The following HEATR4 variants were observed in gnomAD, a reference collection of about 807,000 sequenced individuals.
The protein encoded by HEATR4 is HEAT repeat containing 4.
Under a neutral mutation model 108.8 loss-of-function variants are expected in HEATR4, and 95 were observed. That is an observed-to-expected ratio of 0.87 (90% CI 0.74 to 1.04). HEATR4 has a LOEUF of 1.04. Ranked by LOEUF, HEATR4 falls within the 50% of genes least tolerant of loss-of-function variation. The pLI is 0.00. For missense variants in HEATR4, 1,152 were observed against 1,253.8 expected, an observed-to-expected ratio of 0.92 and a Z score of 1.23; for synonymous variants, 443 against 459.4, an observed-to-expected ratio of 0.96 and a Z score of 0.46.
At chr14:73,589,475 A>G in the HEATR4 span, among the ~76,000 whole-genome samples, 1 of 152,116 alleles carries the variant, frequency 6.6e-6, no homozygotes, top group Non-Finnish European at 1.5e-5. Flanking sequence ...GCACATCACC[A>G]TGCCCCACTA....
chr14:73,628,443 A>G, the HEATR4 span, among the ~76,000 whole-genome samples: 1 of 152,114 alleles, frequency 6.6e-6, no homozygotes, highest in Admixed American at 6.6e-5. Context: ...TGCCCAGCCC[A>G]TAGTCTTAGT....
At chr14:73,569,463 T>C in the HEATR4 span, 2 of 1,613,358 alleles carry the variant, frequency 1.2e-6, no homozygotes, top group African/African-American at 2.7e-5. Context: ...TGCGGGCCGC[T>C]GCTGCTGGGA....
chr14:73,586,702 G>GAA, the HEATR4 span, among the ~76,000 whole-genome samples: 20 of 123,002 alleles, frequency 1.6e-4, no homozygotes, highest in East Asian at 4.7e-4. Flanking sequence ...GACTCTGTCT[G>GAA]AAAAAAAAAA....
chr14:73,593,622 C>A, the HEATR4 span: 1 of 1,372,916 alleles, frequency 7.3e-7, no homozygotes, highest in Non-Finnish European at 1.0e-6. Flanking sequence ...AGATTACAAG[C>A]ATGAACCACA....
chr14:73,558,546 G>C (rs1449360366), intron 1 of HEATR4, among the ~76,000 whole-genome samples: 3 of 131,200 alleles, frequency 2.3e-5, no homozygotes, highest in South Asian at 2.6e-4. Context: ...TGTAGAGATA[G>C]AGTCTCACTA....
At chr14:73,559,113 G>C (rs1889460535), upstream of HEATR4, among the ~76,000 whole-genome samples, 1 of 151,860 alleles carries the variant, frequency 6.6e-6, no homozygotes, top group Non-Finnish European at 1.5e-5. Context: ...ATTATTTATT[G>C]AATGGTAGTT....
the HEATR4 span, among the ~76,000 whole-genome samples, chr14:73,609,717 C>T: frequency 6.6e-6 from 1 of 151,828 alleles, no homozygotes; most frequent in Non-Finnish European, 1.5e-5. Flanking sequence ...CTCGGCTCAC[C>T]ACAACCTCTG....
At chr14:73,574,576 CTTG>C in the HEATR4 span, among the ~76,000 whole-genome samples, 1 of 151,846 alleles carries the variant, frequency 6.6e-6, no homozygotes, top group African/African-American at 2.4e-5. Flanking sequence ...AGATGATGTA[CTTG>C]TTGATGATGA....
rs1889375112 is a variant in HEATR4, at chr14:73,555,024, A to C, written c.-152+3727T>G. Among the ~76,000 whole-genome samples the C allele has an allele frequency of 1.8e-5, 2 of 114,228 alleles. 1 individual carries two copies. Among genetic ancestry groups the C allele is most frequent in the African/African-American group, 5.7e-5 (2 of 35,380 alleles). 74.9% of individuals were successfully genotyped at this position (114,228 alleles called of 152,430 possible). A position where few individuals can be genotyped will look rare whatever the true frequency, so the allele number is the denominator to read the frequency against. On this transcript the variant is annotated intron_variant, in intron 1 of 17. Transcript: ENST00000553558. ...ACCCCATTTATGATTTTTTAAATAA[A>C]CTTGAAATAAAAATGATTAAACTAA...
intron 17 of HEATR4, among the ~76,000 whole-genome samples, chr14:73,483,918 A>G (rs1377658777): frequency 1.3e-5 from 2 of 152,016 alleles, no homozygotes; most frequent in Admixed American, 6.6e-5. Flanking sequence ...CAGTGGCTCA[A>G]TCTCAGGCTC....
the HEATR4 span, among the ~76,000 whole-genome samples, chr14:73,597,862 G>T: frequency 6.6e-6 from 1 of 151,378 alleles, no homozygotes; most frequent in South Asian, 2.1e-4. Flanking sequence ...AAAGTGCTGG[G>T]ATTACAGGCA....
At position 73,492,218 on chromosome 14, in the gene HEATR4, C is replaced by T. The variant is rs749992591; in HGVS notation, c.2844+848G>A. 6.2e-6 allele frequency: 10 copies of T among 1,613,892 alleles called. No homozygotes were observed. The highest frequency in any genetic ancestry group is 8.5e-6 in the Non-Finnish European group (10 of 1,179,894). On this transcript the variant is annotated intron_variant, in intron 17 of 17. Transcript: ENST00000553558. This position sits in a 1 kb window ranked among gnomAD's most constrained non-coding sequence, Gnocchi z 4.9. Reference sequence around the variant, plus strand: ...ACCTGGAGATTTGCTGTATTTTCCTCGGGGCTTCATTCACCAAGCTGAATG... The same window carrying T: ...ACCTGGAGATTTGCTGTATTTTCCTTGGGGCTTCATTCACCAAGCTGAATG...
chr14:73,573,861 G>C, the HEATR4 span, among the ~76,000 whole-genome samples: 2 of 151,770 alleles, frequency 1.3e-5, no homozygotes, highest in Non-Finnish European at 2.9e-5. Context: ...CGAGTAGTTG[G>C]GATTACAGGC....
At chr14:73,529,476 G>A (rs1208645452) in intron 2 of HEATR4, among the ~76,000 whole-genome samples, 3 of 152,058 alleles carry the variant, frequency 2.0e-5, no homozygotes, top group Non-Finnish European at 4.4e-5. Context: ...GGGGAGGAAT[G>A]GGGTTGGAAG....
At chr14:73,575,646 T>C in the HEATR4 span, 2 of 1,502,816 alleles carry the variant, frequency 1.3e-6, no homozygotes, top group African/African-American at 2.8e-5. Flanking sequence ...TAAAATGAAT[T>C]TACCAGTAAG....
At chr14:73,621,121 G>T in the HEATR4 span, among the ~76,000 whole-genome samples, 1 of 152,010 alleles carries the variant, frequency 6.6e-6, no homozygotes, top group African/African-American at 2.4e-5. Context: ...GCTGAGGCAG[G>T]AGAATTGCTT....
intron 9 of HEATR4, 66 bp downstream of exon 9, chr14:73,508,068 C>T (rs1677415190): frequency 3.4e-6 from 5 of 1,453,384 alleles, no homozygotes; most frequent in South Asian, 1.2e-5. Flanking sequence ...AGATTGCTTA[C>T]ATTCACTGAC....
At chr14:73,537,952 T>C (rs2140310818) in intron 1 of HEATR4, 1 of 1,034,884 alleles carries the variant, frequency 9.7e-7, no homozygotes, top group Non-Finnish European at 1.2e-6. Flanking sequence ...TGTGTGTGTG[T>C]CCCCTTCGCC....
intron 10 of HEATR4, among the ~76,000 whole-genome samples, chr14:73,503,510 A>G (rs1442340780): frequency 1.3e-5 from 2 of 152,134 alleles, no homozygotes; most frequent in African/African-American, 4.8e-5. Flanking sequence ...ATGATGTGTA[A>G]ATGTGCCCAC....
Sources: gnomAD v4.1 joint callset for allele counts (sites outside exome capture counted in the v4.1 genomes callset) on GRCh38, gnomAD v4.1.1 for gene constraint, Gnocchi (gnomAD v3.1) non-coding constraint, MANE v1.5 for transcripts, NCBI Gene and HGNC (gene_info 2026-07-23, HGNC 2026-07-21) for gene names.